CDH23: variants seen among roughly 807,000 people sequenced by gnomAD.
CDH23 encodes cadherin related 23, also known as cadherin-23.
CDH23 carries 189 observed loss-of-function variants against 317.1 expected under a neutral mutation model. That is an observed-to-expected ratio of 0.60 (90% CI 0.53 to 0.67). The LOEUF (loss-of-function observed/expected upper bound fraction) is 0.67, where lower values mean the gene tolerates loss of function less well. Among genes scored for constraint, CDH23 ranks in the 30% least tolerant of loss-of-function variants. CDH23 has a pLI of 0.00. For synonymous variants in CDH23, 1,839 were observed against 1,876.8 expected (o/e 0.98, Z 0.52); for missense variants, 4,401 against 4,592.4 (o/e 0.96, Z 1.20).
At chr10:71,608,450 C>T (rs370635054) in intron 9 of CDH23, among the ~76,000 whole-genome samples, 14 of 152,330 alleles carry the variant, frequency 9.2e-5, no homozygotes, top group Admixed American at 5.2e-4. Context: ...CTCCTAAGAT[C>T]CCGAGCTCCT....
chr10:71,791,564 T>TTTTTC (rs1023613877), intron 47 of CDH23, among the ~76,000 whole-genome samples: 10 of 151,870 alleles, frequency 6.6e-5, no homozygotes, highest in East Asian at 3.9e-4. Context: ...CCTTTCTTTC[T>TTTTTC]TTTTCTTTTC....
chr10:71,553,899 T>A lies in CDH23; in HGVS notation c.430-12843T>A, dbSNP rs1856738408. Among the ~76,000 whole-genome samples, 4 of 152,084 alleles carry A rather than the reference T, an allele frequency of 2.6e-5. No homozygotes were observed. The South Asian group carries it at 8.3e-4, about 32-fold the overall frequency. On this transcript the variant is annotated intron_variant, in intron 6 of 69. Coordinates refer to ENST00000224721, the MANE Select transcript of CDH23 (RefSeq NM_022124.6). ...TGGGAGACATATGATCCCCAGAGGGTTCCCTGGGAGTTTTATCTCTGCTAA... is the reference window on the plus strand; with the variant it reads ...TGGGAGACATATGATCCCCAGAGGGATCCCTGGGAGTTTTATCTCTGCTAA...
chr10:71,472,193 G>A (rs1851550060), intron 3 of CDH23, among the ~76,000 whole-genome samples: 1 of 152,194 alleles, frequency 6.6e-6, no homozygotes, highest in African/African-American at 2.4e-5. Flanking sequence ...CCTGGGTTTA[G>A]CCAACAGGAG....
At chr10:71,777,984 T>C in intron 39 of CDH23, 83 bp downstream of exon 39, 2 of 1,515,444 alleles carry the variant, frequency 1.3e-6, no homozygotes, top group South Asian at 1.2e-5. Context: ...TGGAGGGGGA[T>C]GGAGCAAAGA....
At chr10:71,553,268 G>A (rs1856698016) in intron 6 of CDH23, among the ~76,000 whole-genome samples, 2 of 152,058 alleles carry the variant, frequency 1.3e-5, no homozygotes, top group East Asian at 3.9e-4. Flanking sequence ...CTCTGCAACT[G>A]CCCTCTCCCT....
rs982850883 is a variant in CDH23, at chr10:71,620,189, G to A, written c.1134+2796G>A. Among the ~76,000 whole-genome samples the A allele has an allele frequency of 5.3e-5, 8 of 152,220 alleles. 1 individual carries two copies. The South Asian group carries it at 8.3e-4, about 16-fold the overall frequency. Reference sequence around the variant, plus strand: ...TGTGCTTCATCCCAGAAGTGGCTCCGTGACTTCTACCCAATGACTATTGGC... The same window carrying A: ...TGTGCTTCATCCCAGAAGTGGCTCCATGACTTCTACCCAATGACTATTGGC... On this transcript the variant is annotated intron_variant, in intron 11 of 69. Coordinates refer to ENST00000224721, the MANE Select transcript of CDH23 (RefSeq NM_022124.6).
rs1251408395 is a variant in CDH23, at chr10:71,803,429, G to A, written c.7872+9G>A. ...TCCTCCACATCAGAGAGGTACTCCT[G>A]CCCCGAGGGCCTCCTGCCCACCAGT... On this transcript the variant is annotated intron_variant, in intron 55 of 69. Coordinates refer to ENST00000224721, the MANE Select transcript of CDH23 (RefSeq NM_022124.6). 2.5e-6 allele frequency: 4 copies of A among 1,572,470 alleles called. No homozygotes were observed. The highest frequency in any genetic ancestry group is 1.8e-5 in the Admixed American group (1 of 54,742).
At chr10:71,438,347 C>CAAAAAAAAAAAAAAAGGAAAAAAAA (rs1849713580) in intron 1 of CDH23, among the ~76,000 whole-genome samples, 1 of 98,360 alleles carries the variant, frequency 1.0e-5, no homozygotes, top group Non-Finnish European at 2.2e-5. Flanking sequence ...CTGTCTCAAA[C>CAAAAAAAAAAAAAAAGGAAAAAAAA]AAAAAAAAAA....
At chr10:71,643,963 C>A in intron 12 of CDH23, 97 bp downstream of exon 12, 1 of 736,764 alleles carries the variant, frequency 1.4e-6, no homozygotes, top group South Asian at 1.4e-5. Flanking sequence ...TCAGCCCTCC[C>A]CCACCCTCTC....
intron 6 of CDH23, among the ~76,000 whole-genome samples, chr10:71,561,219 G>A (rs577659562): frequency 8.6e-5 from 13 of 151,252 alleles, no homozygotes; most frequent in East Asian, 3.9e-4. Flanking sequence ...ACTTTATCCC[G>A]TTTTCACTCT....
chr10:71,430,636 C>T (rs753193061), intron 1 of CDH23, among the ~76,000 whole-genome samples: 5 of 152,048 alleles, frequency 3.3e-5, no homozygotes, highest in African/African-American at 4.8e-5. Flanking sequence ...GATGAAATCC[C>T]GTCTCTACTA....
intron 28 of CDH23, chr10:71,716,521 C>T (rs1280719208): frequency 7.3e-6 from 4 of 544,696 alleles, no homozygotes; most frequent in Non-Finnish European, 1.3e-5. Flanking sequence ...TCTAAGTGTA[C>T]ACACAGCTGA....
chr10:71,543,250 C>T (rs991000534), intron 6 of CDH23, among the ~76,000 whole-genome samples: 2 of 152,192 alleles, frequency 1.3e-5, no homozygotes, highest in Non-Finnish European at 2.9e-5. Flanking sequence ...CTTCTGCAGC[C>T]CAGTATGGTC....
chr10:71,617,552 C>G, intron 11 of CDH23, 159 bp downstream of exon 11: 4 of 1,476,236 alleles, frequency 2.7e-6, no homozygotes, highest in Non-Finnish European at 3.6e-6. Flanking sequence ...AAAAAAATCA[C>G]TAGTCTCTAC....
At chr10:71,462,675 T>C (rs1341665940) in intron 3 of CDH23, among the ~76,000 whole-genome samples, 1 of 152,226 alleles carries the variant, frequency 6.6e-6, no homozygotes, top group Non-Finnish European at 1.5e-5. Context: ...CAGATCTGTT[T>C]TGATTGTTTA....
chr10:71,479,216 A>C (rs16928926), intron 3 of CDH23, among the ~76,000 whole-genome samples: 32,930 of 152,196 alleles, frequency 0.22, 3,897 homozygotes, highest in South Asian at 0.3. Context: ...ACTCATATCC[A>C]GACTGATTTC....
chr10:71,494,666 C>A (rs1039733022), intron 3 of CDH23, among the ~76,000 whole-genome samples: 4 of 152,064 alleles, frequency 2.6e-5, no homozygotes, highest in Non-Finnish European at 5.9e-5. Context: ...GCAAGCTGGC[C>A]CCCAGGGCAC....
chr10:71,620,953 A>T (rs922629812), intron 11 of CDH23, among the ~76,000 whole-genome samples: 4 of 152,186 alleles, frequency 2.6e-5, no homozygotes, highest in African/African-American at 4.8e-5. Context: ...GGCCGGGTGA[A>T]TGCATCAGAG....
rs139710615 is a variant in CDH23 at position 71,751,673 on chromosome 10, G to A, written c.4845+9752G>A. The A allele has an allele frequency of 1.4e-4, 213 of 1,530,432 alleles. 1 individual carries two copies. The Middle Eastern group carries it at 1.5e-3, about 11-fold the overall frequency. The allele number at this position is 1,530,432 out of a possible 1,614,324, so 94.8% of individuals were successfully genotyped here. A position where few individuals can be genotyped will look rare whatever the true frequency, so the allele number is the denominator to read the frequency against. On this transcript the variant is annotated intron_variant, in intron 38 of 69. Coordinates refer to ENST00000224721, the MANE Select transcript of CDH23 (RefSeq NM_022124.6). This position sits in a 1 kb window ranked among gnomAD's most constrained non-coding sequence, Gnocchi z 4.9. The stretch of plus-strand genomic sequence containing the variant: ...GAAGGTCAGGAAACACTTACCCAGG[G>A]ATGGGAAGAAGACGTCTCCGGGGCC...
Sources: allele counts gnomAD v4.1 joint callset (sites outside exome capture counted in the v4.1 genomes callset), GRCh38; gene constraint gnomAD v4.1.1; non-coding constraint Gnocchi (gnomAD v3.1); transcripts MANE v1.5; gene names NCBI Gene and HGNC (gene_info 2026-07-23, HGNC 2026-07-21).